The following ARMC3 variants were observed in gnomAD, a reference collection of about 807,000 sequenced individuals.
ARMC3 encodes the protein armadillo repeat containing 3.
ARMC3 carries 74 observed loss-of-function variants against 90.3 expected under a neutral mutation model. The observed-to-expected ratio is 0.82, with a 90% CI of 0.68 to 0.99. The LOEUF is 0.99. ARMC3 is among the 50% of genes least tolerant of loss of function. The pLI is 0.00. For synonymous variants in ARMC3, 334 were observed against 361.8 expected, an observed-to-expected ratio of 0.92 and a Z score of 0.87; for missense variants, 958 against 1,042.8, an observed-to-expected ratio of 0.92 and a Z score of 1.12.
Position 22,958,441 on chromosome 10 carries a change from T to C in ARMC3, c.293-629T>C, listed in dbSNP as rs556761351. Among the ~76,000 whole-genome samples the C allele has an allele frequency of 7.9e-5, 12 of 152,304 alleles. No individual in the cohort carries two copies. The South Asian group carries it at 1.9e-3, about 24-fold the overall frequency. On this transcript the variant is annotated intron_variant, in intron 4 of 18. Transcript: ENST00000298032. ...TCCCAGCAACACACACACAGATTAC[T>C]ATTACACAATAAATAAACGTAGGGC...
chr10:22,956,553 A>C (rs1304281745), intron 4 of ARMC3, among the ~76,000 whole-genome samples: 1 of 151,968 alleles, frequency 6.6e-6, no homozygotes, highest in Non-Finnish European at 1.5e-5. Context: ...CAGTGAGCTG[A>C]GATTGCGCCA....
In ARMC3 at chr10:23,030,809, T is replaced by C. The variant is rs767316883; in HGVS notation, c.2246+13T>C. The C allele has an allele frequency of 7.5e-6, 12 of 1,604,172 alleles. No individual in the cohort carries two copies. Among genetic ancestry groups the C allele is most frequent in the Middle Eastern group, 1.7e-4 (1 of 5,998 alleles). On this transcript the variant is annotated intron_variant, in intron 17 of 18. Transcript: ENST00000298032. ...AGGATCTGGCAAAGTAAGTTGTCTATGTATATATGTGTTTTTAATTTCTGA... is the reference window on the plus strand; with the variant it reads ...AGGATCTGGCAAAGTAAGTTGTCTACGTATATATGTGTTTTTAATTTCTGA...
chr10:22,984,333 A>T (rs1564371720), intron 10 of ARMC3, among the ~76,000 whole-genome samples: 1 of 152,162 alleles, frequency 6.6e-6, no homozygotes, highest in Admixed American at 6.5e-5. Context: ...TGTTGGTGCA[A>T]TTTCCTTTAT....
intron 10 of ARMC3, among the ~76,000 whole-genome samples, chr10:22,984,496 G>T (rs1316380400): frequency 4.6e-5 from 7 of 152,014 alleles, no homozygotes; most frequent in Non-Finnish European, 8.8e-5. Flanking sequence ...TCTAAAAATA[G>T]AATTTTATAA....
chr10:23,035,769 T>C (rs936512806), intron 18 of ARMC3, among the ~76,000 whole-genome samples: 5 of 152,058 alleles, frequency 3.3e-5, no homozygotes, highest in African/African-American at 1.2e-4. Flanking sequence ...CACTCCTCTA[T>C]AGGCCACCCT....
intron 10 of ARMC3, among the ~76,000 whole-genome samples, chr10:22,991,131 G>A (rs1304561168): frequency 6.6e-6 from 1 of 152,152 alleles, no homozygotes; most frequent in Non-Finnish European, 1.5e-5. Flanking sequence ...GTTGAAAAAT[G>A]TAAAAACTAA....
Position 23,008,323 on chromosome 10 carries a change from G to A in ARMC3, c.1877G>A (p.Arg626Gln), listed in dbSNP as rs10828395. ...GATAAATCAGATGTTGGTTATGGAC[G>A]AAGTATTTCTTCTTCATCTTCCTTA... ...MEDKSDVGYGRSISSSSSLRR... is the reference protein window; with the variant it reads ...MEDKSDVGYGQSISSSSSLRR... The change falls in exon 15 of 19, where the codon CGA becomes CAA. Residue 626 changes from arginine (R) to glutamine (Q), a missense_variant. Physicochemically the swap from Arg to Gln is conservative, Grantham distance 43 (BLOSUM62 1). Transcript: ENST00000298032. The A allele has an allele frequency of 0.18, 280,072 of 1,549,776 alleles. 26,762 individuals are homozygous for A. The highest frequency in any genetic ancestry group is 0.3 in the African/African-American group (21,626 of 72,772).
rs566520466 is a variant in ARMC3 at position 23,002,469 on chromosome 10, TC to T, written c.1562+415del. ...TTCCGCATTTCACCACCCTCACCAA[TC>T]AGTTCTGTTGACCAAAAGCAGATGA... On this transcript the variant is annotated intron_variant, in intron 12 of 18. Coordinates refer to ENST00000298032, the MANE Select transcript of ARMC3 (RefSeq NM_173081.5). Among the ~76,000 whole-genome samples, 5 of 152,326 alleles carry T rather than the reference TC, an allele frequency of 3.3e-5. No homozygotes were observed. In the South Asian group the frequency reaches 8.3e-4, roughly 25 times the overall value.
chr10:23,013,949 T>C, intron 16 of ARMC3: 1 of 728,770 alleles, frequency 1.4e-6, no homozygotes, highest in Non-Finnish European at 2.0e-6. Context: ...ATATTAAAAA[T>C]TACTTTAATT....
chr10:22,958,309 A>G (rs1835037049), intron 4 of ARMC3, among the ~76,000 whole-genome samples: 1 of 152,194 alleles, frequency 6.6e-6, no homozygotes, highest in Non-Finnish European at 1.5e-5. Context: ...GGCATTTCTA[A>G]TAATCAAATT....
At chr10:23,025,621 TA>T (rs1212714846) in intron 16 of ARMC3, among the ~76,000 whole-genome samples, 1 of 152,032 alleles carries the variant, frequency 6.6e-6, no homozygotes, top group Non-Finnish European at 1.5e-5. Context: ...TCTATTGTAC[TA>T]AATGCTTACA....
At chr10:22,969,991 G>A (rs1183320498) in intron 8 of ARMC3, among the ~76,000 whole-genome samples, 1 of 152,110 alleles carries the variant, frequency 6.6e-6, no homozygotes, top group Non-Finnish European at 1.5e-5. Context: ...ACCTACTTAA[G>A]TGATTTTGAG....
chr10:22,991,096 T>C (rs1379321466), intron 10 of ARMC3, among the ~76,000 whole-genome samples: 4 of 152,116 alleles, frequency 2.6e-5, no homozygotes, highest in East Asian at 1.9e-4. Flanking sequence ...TTCCTGAAAA[T>C]ACTATACTTT....
Position 22,958,878 on chromosome 10 carries a change from T to C in ARMC3, c.293-192T>C, listed in dbSNP as rs551368152. ...CTGGGATTACAGATACAAGCCACCA[T>C]ACCTGGCTAATTTTTGTTATTTTTA... On this transcript the variant is annotated intron_variant, in intron 4 of 18. Transcript: ENST00000298032. 1.8e-4 allele frequency among the ~76,000 whole-genome samples: 27 copies of C among 152,186 alleles called. 1 individual carries two copies. In the South Asian group the frequency reaches 5.4e-3, roughly 30 times the overall value.
intron 16 of ARMC3, among the ~76,000 whole-genome samples, chr10:23,024,953 A>G (rs1727823871): frequency 6.6e-6 from 1 of 152,156 alleles, no homozygotes; most frequent in South Asian, 2.1e-4. Context: ...GGGTTTTAAA[A>G]TATCTTATAA....
intron 3 of ARMC3, among the ~76,000 whole-genome samples, chr10:22,949,552 C>G (rs150882069): frequency 4.9e-4 from 74 of 152,224 alleles, no homozygotes; most frequent in Non-Finnish European, 7.5e-4. Context: ...GTAACACAAC[C>G]TGTCCAAAAT....
At chr10:22,930,662 TGTCTCTAATGCTA>T (rs1833893543) in intron 1 of ARMC3, among the ~76,000 whole-genome samples, 6 of 152,204 alleles carry the variant, frequency 3.9e-5, no homozygotes, top group Non-Finnish European at 8.8e-5. Context: ...TTCTGGTCAG[TGTCTCTAATGCTA>T]GGAGTTGCTT....
intron 16 of ARMC3, among the ~76,000 whole-genome samples, chr10:23,027,442 G>T (rs944843534): frequency 2.6e-5 from 4 of 152,138 alleles, no homozygotes; most frequent in African/African-American, 9.7e-5. Context: ...CATGTTCCTT[G>T]TTACTTACTA....
intron 16 of ARMC3, among the ~76,000 whole-genome samples, chr10:23,013,910 G>A (rs1433991787): frequency 2.6e-5 from 4 of 151,522 alleles, no homozygotes; most frequent in Non-Finnish European, 4.4e-5. Context: ...GCTCATCAGG[G>A]GCAGTAAAAA....
Sources: gnomAD v4.1 joint callset for allele counts (sites outside exome capture counted in the v4.1 genomes callset) on GRCh38, gnomAD v4.1.1 for gene constraint, MANE v1.5 for transcripts, NCBI Gene and HGNC (gene_info 2026-07-23, HGNC 2026-07-21) for gene names.